APOL1: variants seen among roughly 807,000 people sequenced by gnomAD.
APOL1 encodes apolipoprotein L 1.
APOL1 carries 17 observed loss-of-function variants against 14.9 expected under a neutral mutation model. That is an observed-to-expected ratio of 1.14 (90% CI 0.78 to 1.71). The LOEUF is 1.71. Ranked by LOEUF, APOL1 falls within the 40% of genes most tolerant of loss-of-function variation. APOL1 has a pLI of 0.00. For synonymous variants in APOL1, 195 were observed against 184.8 expected (o/e 1.05, Z -0.45); for missense variants, 523 against 485.9 (o/e 1.08, Z -0.72).
intron 4 of APOL1, among the ~76,000 whole-genome samples, chr22:36,259,439 A>G (rs955101820): frequency 1.3e-5 from 2 of 152,108 alleles, no homozygotes; most frequent in Non-Finnish European, 2.9e-5. Flanking sequence ...TTTCCTCAGG[A>G]GGGCTTCCTC....
rs2015902845 is a variant in APOL1, at chr22:36,257,013, G to A, written c.45-70G>A. ...CTCCCCATCTCTATTTCTGTGTATA[G>A]ACTCTGTAGTTTCTGTAATGATCAG... is the stretch of plus-strand genomic sequence containing the variant. On this transcript the variant is annotated intron_variant, in intron 2 of 5. Coordinates refer to ENST00000397278, the MANE Select transcript of APOL1 (RefSeq NM_003661.4). 1.9e-6 allele frequency: 3 copies of A among 1,545,676 alleles called. No homozygotes were observed. The Admixed American group carries it at 5.1e-5, about 26-fold the overall frequency.
chr22:36,261,821 C>G (rs1281326783), intron 5 of APOL1, 99 bp downstream of exon 5: 1 of 1,433,248 alleles, frequency 7.0e-7, no homozygotes, highest in African/African-American at 1.4e-5. Context: ...CTCCAGGCAG[C>G]CCCCTCTGCT....
chr22:36,265,340 C>A lies in APOL1; in HGVS notation c.504C>A (p.Val168=). 6.2e-7 allele frequency: 1 copy of A among 1,611,694 alleles called. No homozygotes were observed. Among genetic ancestry groups the A allele is most frequent in the Non-Finnish European group, 8.5e-7 (1 of 1,178,618 alleles). ...LRALADGVQK[V]HKGTTIANVV... is the part of the protein sequence containing the mutation. ...CCCTTGCAGATGGGGTTCAGAAGGT[C>A]CACAAAGGCACCACCATCGCCAATG... is the stretch of plus-strand genomic sequence containing the variant. Residue 168 remains valine, a synonymous_variant, in exon 6 of 6, where the codon GTC becomes GTA. Transcript: ENST00000397278.
rs748732912 is a variant in APOL1, at chr22:36,254,981, T to A, written c.26T>A (p.Val9Asp). MEGAALLR[V>D]SVLCIWMSAL... ...ATGGAGGGAGCTGCTTTGCTGAGAG[T>A]CTCTGTCCTCTGCATCTGGTGAGCT... Residue 9 changes from valine to aspartate, a missense_variant, in exon 2 of 6, where the codon GTC becomes GAC. By Grantham distance (152) the Val-to-Asp change is radical. Transcript: ENST00000397278. 79 of 1,613,662 alleles carry A rather than the reference T, an allele frequency of 4.9e-5. No homozygotes were observed. The highest frequency in any genetic ancestry group is 8.5e-7 in the Non-Finnish European group (1 of 1,179,818).
intron 4 of APOL1, among the ~76,000 whole-genome samples, chr22:36,260,472 T>C (rs1379485849): frequency 1.3e-5 from 2 of 152,204 alleles, no homozygotes; most frequent in Non-Finnish European, 2.9e-5. Context: ...CACACACAAA[T>C]ACATACTGGT....
At chr22:36,255,031 G>A (rs757282324) in intron 2 of APOL1, 32 bp downstream of exon 2, 2 of 1,598,076 alleles carry the variant, frequency 1.3e-6, no homozygotes. Flanking sequence ...GAGGCGGGAG[G>A]GAGGGCTCCC....
intron 5 of APOL1, among the ~76,000 whole-genome samples, chr22:36,262,758 T>C (rs55690310): frequency 0.031 from 4,681 of 152,304 alleles, 106 homozygotes; most frequent in Middle Eastern, 0.058. Flanking sequence ...TGCCTGTGTC[T>C]CTCACACCAC....
intron 4 of APOL1, among the ~76,000 whole-genome samples, chr22:36,258,870 T>C (rs2015983423): frequency 6.6e-6 from 1 of 151,954 alleles, no homozygotes; most frequent in African/African-American, 2.4e-5. Flanking sequence ...TATGATTGAG[T>C]GTGAGGCAAA....
At chr22:36,253,548 AGAG>A (rs1172076425) in intron 1 of APOL1, among the ~76,000 whole-genome samples, 1 of 152,150 alleles carries the variant, frequency 6.6e-6, no homozygotes, top group Non-Finnish European at 1.5e-5. Context: ...AAGGTGGAGG[AGAG>A]GAGGTGACCC....
intron 4 of APOL1, among the ~76,000 whole-genome samples, chr22:36,261,350 T>G (rs748654925): frequency 1.3e-5 from 2 of 152,166 alleles, no homozygotes; most frequent in Non-Finnish European, 2.9e-5. Flanking sequence ...AGCCCTACCC[T>G]TGTGATCTCA....
intron 5 of APOL1, among the ~76,000 whole-genome samples, chr22:36,263,190 T>C: frequency 6.6e-6 from 1 of 152,122 alleles, no homozygotes; most frequent in Non-Finnish European, 1.5e-5. Flanking sequence ...GGCTGGAGCG[T>C]CCATGTGGAG....
At chr22:36,255,081 A>G (rs2015821929) in intron 2 of APOL1, 82 bp downstream of exon 2, 1 of 1,501,368 alleles carries the variant, frequency 6.7e-7, no homozygotes, top group Non-Finnish European at 9.3e-7. Flanking sequence ...GGGCTGGGCC[A>G]GGGCCATCTG....
intron 4 of APOL1, chr22:36,259,610 C>T (rs1556624935): frequency 3.2e-6 from 4 of 1,250,864 alleles, no homozygotes; most frequent in Non-Finnish European, 4.2e-6. Flanking sequence ...AAGGGCTGGG[C>T]TGGGGGACTG....
At position 36,259,614 on chromosome 22, in the gene APOL1, G is replaced by A. The variant is rs529875487; in HGVS notation, c.188-1982G>A. The A allele has an allele frequency of 6.4e-5, 80 of 1,253,694 alleles. No homozygotes were observed. In the South Asian group the frequency reaches 9.3e-4, roughly 15 times the overall value. The allele number at this position is 1,253,694 out of a possible 1,614,324, so 77.7% of individuals were successfully genotyped here. A position where few individuals can be genotyped will look rare whatever the true frequency, so the allele number is the denominator to read the frequency against. On this transcript the variant is annotated intron_variant, in intron 4 of 5. Transcript: ENST00000397278. ...GAATCCTTACGAAGGGCTGGGCTGG[G>A]GGACTGAGGAAAAACTCTCCCCCCA...
chr22:36,266,192 G>A lies in APOL1; in HGVS notation c.*159G>A, dbSNP rs1456402122. 1.0e-5 allele frequency: 8 copies of A among 795,154 alleles called. No homozygotes were observed. The highest frequency in any genetic ancestry group is 1.8e-5 in the African/African-American group (1 of 56,504). The allele number at this position is 795,154 out of a possible 1,614,324, so 49.3% of individuals were successfully genotyped here. On this transcript the variant is annotated 3_prime_UTR_variant, in exon 6 of 6. Transcript: ENST00000397278. ...TGCAAGCTCTGCCTCCCGTGTTCAA[G>A]CGATTCTCCTGCCTTGGCCTCCCAA...
At position 36,254,898 on chromosome 22, in the gene APOL1, G is replaced by C. The variant is rs758249539; in HGVS notation, c.-19-39G>C. 2.3e-5 allele frequency: 37 copies of C among 1,612,236 alleles called. No individual in the cohort carries two copies. In the East Asian group the frequency reaches 8.2e-4, roughly 36 times the overall value. ...TGAAATGAAAATGGTGATTTCTCAGGAGGAGCACACTGTCTCAACCCCTCT... is the reference window on the plus strand; with the variant it reads ...TGAAATGAAAATGGTGATTTCTCAGCAGGAGCACACTGTCTCAACCCCTCT... On this transcript the variant is annotated intron_variant, in intron 1 of 5. Coordinates refer to ENST00000397278, the MANE Select transcript of APOL1 (RefSeq NM_003661.4).
chr22:36,266,154 G>T lies in APOL1; in HGVS notation c.*121G>T, dbSNP rs868432448. The T allele has an allele frequency of 8.0e-6, 9 of 1,128,100 alleles. No homozygotes were observed. The highest frequency in any genetic ancestry group is 1.1e-5 in the Non-Finnish European group (9 of 806,060). 69.9% of individuals were successfully genotyped at this position (1,128,100 alleles called of 1,614,324 possible). A position where few individuals can be genotyped will look rare whatever the true frequency, so the allele number is the denominator to read the frequency against. On this transcript the variant is annotated 3_prime_UTR_variant, in exon 6 of 6. Coordinates refer to ENST00000397278, the MANE Select transcript of APOL1 (RefSeq NM_003661.4). Reference sequence around the variant, plus strand: ...TCGCCAAGTTGGAGTGCAATGGTGCGATCTCAGCTCACTGCAAGCTCTGCC... The same window carrying T: ...TCGCCAAGTTGGAGTGCAATGGTGCTATCTCAGCTCACTGCAAGCTCTGCC...
intron 5 of APOL1, 48 bp downstream of exon 5, chr22:36,261,770 C>T (rs1385430207): frequency 1.3e-6 from 2 of 1,584,682 alleles, no homozygotes; most frequent in African/African-American, 1.3e-5. Flanking sequence ...CGATGCCACC[C>T]AGCTCTCCCC....
At chr22:36,258,810 T>C (rs2015978032) in intron 4 of APOL1, among the ~76,000 whole-genome samples, 1 of 152,154 alleles carries the variant, frequency 6.6e-6, no homozygotes, top group African/African-American at 2.4e-5. Context: ...TGGGCATACA[T>C]GGAACGGCTG....
Sources: allele counts gnomAD v4.1 joint callset (sites outside exome capture counted in the v4.1 genomes callset), GRCh38; gene constraint gnomAD v4.1.1; transcripts MANE v1.5; gene names NCBI Gene and HGNC (gene_info 2026-07-23, HGNC 2026-07-21).